The following SLC7A8 variants were observed in gnomAD, a reference collection of about 807,000 sequenced individuals.
SLC7A8 encodes the protein large neutral amino acids transporter small subunit 2.
In SLC7A8, 30 loss-of-function variants were observed where a neutral mutation model predicts 51.2. That is an observed-to-expected ratio of 0.59 (90% CI 0.44 to 0.80). SLC7A8 has a LOEUF of 0.80. Ranked by LOEUF, SLC7A8 falls within the 30% of genes least tolerant of loss-of-function variation. The pLI, the probability that SLC7A8 is intolerant of heterozygous loss-of-function variation, is 0.00. For synonymous variants in SLC7A8, 257 were observed against 275.8 expected (o/e 0.93, Z 0.67); for missense variants, 612 against 674.4 (o/e 0.91, Z 1.03).
chr14:23,169,271 C>T (rs973866881), intron 1 of SLC7A8, among the ~76,000 whole-genome samples: 106 of 152,214 alleles, frequency 7.0e-4, no homozygotes, highest in African/African-American at 2.3e-3. Flanking sequence ...GGTGGGAGGA[C>T]TGCTTGAGCC....
In SLC7A8 at chr14:23,166,346, C is replaced by T. The variant is rs760844108; in HGVS notation, c.346G>A (p.Gly116Arg). The stretch of plus-strand genomic sequence containing the variant: ...CACAGATCCTCTTACCCAGCCAGTC[C>T]TCCGAAGATGTCCTTGACATAGGAG... ...DYSYVKDIFG[G>R]LAGFLRLWIA... Residue 116 changes from glycine to arginine, a missense_variant, in exon 2 of 11, where the codon GGA becomes AGA. Transcript: ENST00000316902. 2.5e-6 allele frequency: 4 copies of T among 1,613,494 alleles called. No individual in the cohort carries two copies. Among genetic ancestry groups the T allele is most frequent in the African/African-American group, 2.7e-5 (2 of 74,920 alleles).
intron 3 of SLC7A8, chr14:23,154,339 A>C: frequency 1.0e-6 from 1 of 1,000,074 alleles, no homozygotes; most frequent in African/African-American, 1.7e-5. Context: ...CAGCTGGAGC[A>C]AAAGGGGTGA....
intron 3 of SLC7A8, among the ~76,000 whole-genome samples, chr14:23,148,383 C>G (rs1031399007): frequency 6.6e-6 from 1 of 152,166 alleles, no homozygotes; most frequent in Admixed American, 6.5e-5. Flanking sequence ...TGTCCGCCAC[C>G]ACGCCTGGCT....
chr14:23,180,146 T>A (rs998273303), intron 1 of SLC7A8, among the ~76,000 whole-genome samples: 4 of 152,186 alleles, frequency 2.6e-5, no homozygotes, highest in African/African-American at 7.2e-5. Flanking sequence ...GACCTCGTGA[T>A]CCGCCCGCCT....
intron 8 of SLC7A8, among the ~76,000 whole-genome samples, chr14:23,130,600 A>C (rs532246586): frequency 6.6e-6 from 1 of 152,326 alleles, no homozygotes; most frequent in South Asian, 2.1e-4. Flanking sequence ...AAAACAAAAC[A>C]AAACAAAAAA....
intron 3 of SLC7A8, among the ~76,000 whole-genome samples, chr14:23,144,814 A>G (rs2048776855): frequency 6.6e-6 from 1 of 152,194 alleles, no homozygotes; most frequent in Non-Finnish European, 1.5e-5. Context: ...CATGCCTGCA[A>G]GGGAAGATAT....
chr14:23,172,816 G>C (rs936764420), intron 1 of SLC7A8, among the ~76,000 whole-genome samples: 15 of 152,108 alleles, frequency 9.9e-5, no homozygotes, highest in African/African-American at 3.6e-4. Flanking sequence ...AAAGTATCTG[G>C]GCTTCATTGA....
intron 7 of SLC7A8, among the ~76,000 whole-genome samples, chr14:23,135,598 A>G (rs948569306): frequency 2.6e-5 from 4 of 151,912 alleles, no homozygotes; most frequent in South Asian, 2.1e-4. Flanking sequence ...GCTACTCGGG[A>G]AGCTGAGGCA....
intron 1 of SLC7A8, among the ~76,000 whole-genome samples, chr14:23,178,071 C>A (rs1876998701): frequency 6.6e-6 from 1 of 152,160 alleles, no homozygotes; most frequent in African/African-American, 2.4e-5. Flanking sequence ...AAGTTGCTTA[C>A]CCCTTTGAGC....
intron 9 of SLC7A8, 62 bp downstream of exon 9, chr14:23,129,588 A>C (rs2140300555): frequency 6.3e-7 from 1 of 1,575,064 alleles, no homozygotes; most frequent in South Asian, 1.2e-5. Context: ...TGATTTAAAA[A>C]TCTGAACTGC....
chr14:23,140,842 G>C (rs1462744026), intron 4 of SLC7A8, among the ~76,000 whole-genome samples: 1 of 152,216 alleles, frequency 6.6e-6, no homozygotes, highest in Non-Finnish European at 1.5e-5. Flanking sequence ...GTCCAAATGA[G>C]GGTTTAAGTG....
At chr14:23,169,437 C>T (rs1594839820) in intron 1 of SLC7A8, among the ~76,000 whole-genome samples, 1 of 152,200 alleles carries the variant, frequency 6.6e-6, no homozygotes. Context: ...TGCTAGGGAA[C>T]AGCCTGTCGC....
chr14:23,157,745 C>T (rs2048901677), intron 3 of SLC7A8, among the ~76,000 whole-genome samples: 1 of 152,208 alleles, frequency 6.6e-6, no homozygotes, highest in Admixed American at 6.5e-5. Context: ...TCCAACTGGT[C>T]TTTCAGTCTC....
In SLC7A8 at chr14:23,183,314, C is replaced by T. The variant is rs554472569; in HGVS notation, c.-400G>A. 22 of 162,006 alleles carry T rather than the reference C, an allele frequency of 1.4e-4. 1 individual carries two copies. The South Asian group carries it at 3.2e-3, about 23-fold the overall frequency. 10.0% of individuals were successfully genotyped at this position (162,006 alleles called of 1,614,324 possible). ...CAGAAAGTGAGCCTGGATTTCCCTT[C>T]ACCTCTCCCCCTAATAAAACAGGAG... On this transcript the variant is annotated 5_prime_UTR_variant, in exon 1 of 11. Transcript: ENST00000316902.
chr14:23,182,251 A>T (rs560785627), intron 1 of SLC7A8, among the ~76,000 whole-genome samples: 1 of 152,356 alleles, frequency 6.6e-6, no homozygotes, highest in East Asian at 1.9e-4. Flanking sequence ...AAAGTGCTGC[A>T]TAAGGTGGAA....
chr14:23,140,685 G>A, intron 4 of SLC7A8, 61 bp from the exon 5 acceptor site: 4 of 1,535,920 alleles, frequency 2.6e-6, no homozygotes, highest in Non-Finnish European at 3.5e-6. Context: ...AGCAGCCCCT[G>A]GCCTGCCCTG....
At chr14:23,149,223 T>C (rs1194812265) in intron 3 of SLC7A8, among the ~76,000 whole-genome samples, 1 of 152,230 alleles carries the variant, frequency 6.6e-6, no homozygotes, top group Admixed American at 6.5e-5. Flanking sequence ...CTCCATTTGG[T>C]AATTCAATAC....
intron 2 of SLC7A8, 137 bp downstream of exon 2, chr14:23,166,199 A>G: frequency 1.2e-6 from 1 of 843,432 alleles, no homozygotes; most frequent in Non-Finnish European, 1.9e-6. Flanking sequence ...AAAGCAGAAG[A>G]GACATTCCAT....
intron 3 of SLC7A8, among the ~76,000 whole-genome samples, chr14:23,150,195 T>G (rs1335985942): frequency 6.6e-6 from 1 of 152,086 alleles, no homozygotes; most frequent in Non-Finnish European, 1.5e-5. Flanking sequence ...TAAGGATGGG[T>G]TGGGGAGTCG....
Sources: allele counts gnomAD v4.1 joint callset (sites outside exome capture counted in the v4.1 genomes callset), GRCh38; gene constraint gnomAD v4.1.1; transcripts MANE v1.5; gene names NCBI Gene and HGNC (gene_info 2026-07-23, HGNC 2026-07-21).